The following MIPOL1 variants were observed in gnomAD, a reference collection of about 807,000 sequenced individuals.
MIPOL1 encodes the protein mirror-image polydactyly 1, also known as mirror-image polydactyly gene 1 protein.
MIPOL1 carries 57 observed loss-of-function variants against 60.9 expected under a neutral mutation model. That is an observed-to-expected ratio of 0.94 (90% CI 0.76 to 1.17). MIPOL1 has a LOEUF of 1.17. Ranked by LOEUF, MIPOL1 falls within the 50% of genes most tolerant of loss-of-function variation. MIPOL1 has a pLI of 0.00. For synonymous variants in MIPOL1, 179 were observed against 168.8 expected, an observed-to-expected ratio of 1.06 and a Z score of -0.47; for missense variants, 551 against 511.6, an observed-to-expected ratio of 1.08 and a Z score of -0.74.
At chr14:37,363,360 A>T (rs879203063) in intron 9 of MIPOL1, among the ~76,000 whole-genome samples, 1 of 152,178 alleles carries the variant, frequency 6.6e-6, no homozygotes, top group Non-Finnish European at 1.5e-5. Context: ...TTCTTCTAAC[A>T]GTCAGGTCCC....
chr14:37,303,937 T>C lies in MIPOL1; in HGVS notation c.624-4119T>C, dbSNP rs567508613. On this transcript the variant is annotated intron_variant, in intron 7 of 12. Coordinates refer to ENST00000684589, the MANE Select transcript of MIPOL1 (RefSeq NM_001388067.1). Reference sequence around the variant, plus strand: ...GGGAAGAGTCAGGGAAGGCCACACATACCAAGCAAGAAAAGCAACAGCAAC... The same window carrying C: ...GGGAAGAGTCAGGGAAGGCCACACACACCAAGCAAGAAAAGCAACAGCAAC... Among the ~76,000 whole-genome samples the C allele has an allele frequency of 3.3e-5, 5 of 151,792 alleles. No homozygotes were observed. In the East Asian group the frequency reaches 9.7e-4, roughly 29 times the overall value.
At chr14:37,228,140 T>C (rs568900744) in intron 1 of MIPOL1, among the ~76,000 whole-genome samples, 37 of 152,178 alleles carry the variant, frequency 2.4e-4, no homozygotes, top group Non-Finnish European at 4.0e-4. Flanking sequence ...CAGACAATGA[T>C]TGACCTAAGG....
chr14:37,419,396 A>G (rs1282957473), intron 10 of MIPOL1, among the ~76,000 whole-genome samples: 2 of 152,220 alleles, frequency 1.3e-5, no homozygotes, highest in East Asian at 1.9e-4. Flanking sequence ...GGGGGTAACA[A>G]GAATATTCTG....
intron 12 of MIPOL1, among the ~76,000 whole-genome samples, chr14:37,536,122 G>C (rs1449361213): frequency 6.6e-6 from 1 of 152,144 alleles, no homozygotes; most frequent in Non-Finnish European, 1.5e-5. Flanking sequence ...AATTAGATTT[G>C]ATTAATTTTG....
chr14:37,283,056 GCTGT>G (rs1325580547), intron 6 of MIPOL1, among the ~76,000 whole-genome samples: 2 of 122,876 alleles, frequency 1.6e-5, no homozygotes, highest in Non-Finnish European at 3.4e-5. Flanking sequence ...TTTTGATGTT[GCTGT>G]TTGTTTGTTT....
intron 11 of MIPOL1, among the ~76,000 whole-genome samples, chr14:37,435,844 C>T (rs1279078802): frequency 2.0e-5 from 3 of 152,096 alleles, no homozygotes; most frequent in African/African-American, 7.2e-5. Context: ...AAGACTCATG[C>T]ATGGTAACCT....
intron 11 of MIPOL1, among the ~76,000 whole-genome samples, chr14:37,452,192 C>G (rs997703730): frequency 3.3e-5 from 5 of 152,190 alleles, no homozygotes; most frequent in African/African-American, 7.2e-5. Context: ...TAAAAAGTCT[C>G]TCTTTTCAAT....
intron 12 of MIPOL1, among the ~76,000 whole-genome samples, chr14:37,518,411 C>T (rs1214834331): frequency 2.6e-5 from 4 of 152,096 alleles, no homozygotes; most frequent in African/African-American, 7.2e-5. Flanking sequence ...CTCGGCTCAC[C>T]GCAACTTCCG....
intron 11 of MIPOL1, among the ~76,000 whole-genome samples, chr14:37,445,305 G>A (rs1444466793): frequency 6.6e-6 from 1 of 152,104 alleles, no homozygotes; most frequent in Admixed American, 6.6e-5. Flanking sequence ...CAAATCATGA[G>A]TGAACTCCCA....
chr14:37,479,345 A>AT (rs1018132975), intron 11 of MIPOL1, among the ~76,000 whole-genome samples: 3 of 152,128 alleles, frequency 2.0e-5, no homozygotes, highest in Non-Finnish European at 2.9e-5. Context: ...CATATCAAGT[A>AT]TTTTTTTGAC....
intron 10 of MIPOL1, among the ~76,000 whole-genome samples, chr14:37,405,731 A>C (rs1049834350): frequency 1.3e-5 from 2 of 151,982 alleles, no homozygotes; most frequent in Non-Finnish European, 2.9e-5. Flanking sequence ...TCAGTAAAAA[A>C]AAAGTCTTTC....
At chr14:37,392,969 T>G (rs1387224868) in intron 10 of MIPOL1, among the ~76,000 whole-genome samples, 1 of 152,058 alleles carries the variant, frequency 6.6e-6, no homozygotes, top group Non-Finnish European at 1.5e-5. Context: ...TAAATGTAAT[T>G]GAGTTAAAAT....
intron 9 of MIPOL1, among the ~76,000 whole-genome samples, chr14:37,312,699 A>T (rs2087456140): frequency 6.6e-6 from 1 of 152,146 alleles, no homozygotes; most frequent in Non-Finnish European, 1.5e-5. Context: ...ACTGAGAGCC[A>T]AAAGCCTTAA....
At chr14:37,461,156 G>GTTTTC (rs1438870004) in intron 11 of MIPOL1, among the ~76,000 whole-genome samples, 2 of 152,110 alleles carry the variant, frequency 1.3e-5, no homozygotes, top group Non-Finnish European at 2.9e-5. Context: ...GTATTAGTCT[G>GTTTTC]TTTTCACACT....
intron 11 of MIPOL1, among the ~76,000 whole-genome samples, chr14:37,497,110 G>C (rs1295515973): frequency 6.6e-6 from 1 of 152,022 alleles, no homozygotes; most frequent in Non-Finnish European, 1.5e-5. Context: ...GCTGAAACTG[G>C]ATCCCTTCCT....
At chr14:37,208,099 A>G (rs1966385973) in intron 1 of MIPOL1, among the ~76,000 whole-genome samples, 1 of 152,182 alleles carries the variant, frequency 6.6e-6, no homozygotes. Flanking sequence ...GCTGCATTGA[A>G]AGCATTTTTA....
At chr14:37,302,970 G>T (rs562515222) in intron 7 of MIPOL1, among the ~76,000 whole-genome samples, 1 of 151,420 alleles carries the variant, frequency 6.6e-6, no homozygotes, top group South Asian at 2.1e-4. Context: ...GGAGATTTGC[G>T]GGTACTATAA....
intron 12 of MIPOL1, among the ~76,000 whole-genome samples, chr14:37,509,566 T>TAGAAAAAAAAAAAAAAAAAAA: frequency 2.0e-5 from 3 of 151,804 alleles, no homozygotes; most frequent in Admixed American, 2.0e-4. Flanking sequence ...TTCTCAATTT[T>TAGAAAAAAAAAAAAAAAAAAA]AGAAAAAGCC....
At chr14:37,372,823 A>G (rs1432899939) in intron 10 of MIPOL1, among the ~76,000 whole-genome samples, 1 of 152,032 alleles carries the variant, frequency 6.6e-6, no homozygotes, top group South Asian at 2.1e-4. Flanking sequence ...ATTTTCTCTA[A>G]TAACAAGTAA....
Sources: allele counts gnomAD v4.1 joint callset (sites outside exome capture counted in the v4.1 genomes callset), GRCh38; gene constraint gnomAD v4.1.1; transcripts MANE v1.5; gene names NCBI Gene and HGNC (gene_info 2026-07-23, HGNC 2026-07-21).